Variants in FOXO3B observed in about 807,000 individuals in gnomAD.
The protein encoded by FOXO3B is forkhead box protein O3B.
In FOXO3B, 15 loss-of-function variants were observed where a neutral mutation model predicts 21.9. That is an observed-to-expected ratio of 0.68 (90% CI 0.46 to 1.05). FOXO3B has a LOEUF of 1.05. Ranked by LOEUF, FOXO3B falls within the 50% of genes least tolerant of loss-of-function variation. The pLI, the probability that FOXO3B is intolerant of heterozygous loss-of-function variation, is 0.00. For synonymous variants in FOXO3B, 135 were observed against 213.6 expected (o/e 0.63, Z 3.21); for missense variants, 293 against 435.5 (o/e 0.67, Z 2.91).
At position 18,672,678 on chromosome 17, in the gene FOXO3B, G is replaced by C; in HGVS notation, c.504C>G (p.Gly168=). ...GCCCGGAGACCAGCGTGCGGCTCCC[G>C]CCGCCGCCGCCGATCGCCATGGCCG... ...AGSAMAIGGG[G]GSRTLVSGLL... The change falls in exon 4 of 4, where the codon GGC becomes GGG. Residue 168 remains glycine (G), a synonymous_variant. Transcript: ENST00000395675. The surrounding 1 kb of genome is among the most constrained non-coding windows in gnomAD (Gnocchi z 4.2). The C allele has an allele frequency of 6.8e-7, 1 of 1,475,738 alleles. No individual in the cohort carries two copies. 91.4% of individuals were successfully genotyped at this position (1,475,738 alleles called of 1,614,324 possible).
chr17:18,672,349 T>G lies in FOXO3B; in HGVS notation c.833A>C (p.Tyr278Ser). Residue 278 changes from tyrosine to serine, a missense_variant, in exon 4 of 4, where the codon TAC becomes TCC. Tyr to Ser is a moderately radical substitution (Grantham distance 144). Coordinates refer to ENST00000395675, the MANE Select transcript of FOXO3B (RefSeq NM_001368135.1). This position sits in a 1 kb window ranked among gnomAD's most constrained non-coding sequence, Gnocchi z 4.2. ...GTTGCTGTTGCCCTTATCCTTGAAG[T>G]AGGGCACGCAACTCACCATCCACTC... ...IYEWMVSCVP[Y>S]FKDKGNSNSS... 6.2e-7 allele frequency: 1 copy of G among 1,611,480 alleles called. No individual in the cohort carries two copies. The highest frequency in any genetic ancestry group is 8.5e-7 in the Non-Finnish European group (1 of 1,178,264).
At chr17:18,675,365 A>G (rs2032464912) in intron 3 of FOXO3B, among the ~76,000 whole-genome samples, 2 of 152,124 alleles carry the variant, frequency 1.3e-5, no homozygotes, top group Admixed American at 1.3e-4. Flanking sequence ...AGAAAAGGTA[A>G]AAACCTCATA....
Position 18,672,159 on chromosome 17 carries a change from A to G in FOXO3B, c.*150T>C. The stretch of plus-strand genomic sequence containing the variant: ...CACGGCTCTTGGTATACTTGTTGCT[A>G]TTGTCCATGGAGACAGCCCGCCGCC... On this transcript the variant is annotated 3_prime_UTR_variant, in exon 4 of 4. Coordinates refer to ENST00000395675, the MANE Select transcript of FOXO3B (RefSeq NM_001368135.1). This position sits in a 1 kb window ranked among gnomAD's most constrained non-coding sequence, Gnocchi z 4.2. 4 of 1,612,598 alleles carry G rather than the reference A, an allele frequency of 2.5e-6. No homozygotes were observed. Among genetic ancestry groups the G allele is most frequent in the Non-Finnish European group, 2.5e-6 (3 of 1,179,270 alleles).
At chr17:18,677,630 C>T (rs1234152139) in intron 3 of FOXO3B, 141 of 1,608,738 alleles carry the variant, frequency 8.8e-5, no homozygotes, top group African/African-American at 1.1e-4. Flanking sequence ...CTTCCTCCAC[C>T]GACTCTGGGG....
chr17:18,671,481 C>T lies in FOXO3B; in HGVS notation c.*828G>A, dbSNP rs9635679. The T allele has an allele frequency of 0.37, 583,089 of 1,576,734 alleles. 109,546 individuals carry two copies. The highest frequency in any genetic ancestry group is 0.44 in the Middle Eastern group (2,636 of 5,972). On this transcript the variant is annotated 3_prime_UTR_variant, in exon 4 of 4. Transcript: ENST00000395675. ...GTCCGACTGTGTCATCATGACATCGCTGTGGCTAAGTGAGTCCGAAGTGAG... is the reference window on the plus strand; with the variant it reads ...GTCCGACTGTGTCATCATGACATCGTTGTGGCTAAGTGAGTCCGAAGTGAG...
At position 18,672,462 on chromosome 17, in the gene FOXO3B, G is replaced by C. The variant is rs1478716302; in HGVS notation, c.720C>G (p.Asn240Lys). Residue 240 changes from asparagine to lysine, a missense_variant, in exon 4 of 4, where the codon AAC becomes AAG. By Grantham distance (94) the Asn-to-Lys change is moderately conservative (BLOSUM62 0). This residue lies in a region of FOXO3B where 251 missense variants were observed against 404.0 expected (regional missense o/e 0.62). Transcript: ENST00000395675. The surrounding 1 kb of genome is among the most constrained non-coding windows in gnomAD (Gnocchi z 4.2). The stretch of plus-strand genomic sequence containing the variant: ...CCGCGTAGGACAGGTTTCCCCAGGC[G>C]TTCCGCCGCGACGAACATTTCCTCG... The part of the protein sequence containing the change: ...GQPRKCSSRR[N>K]AWGNLSYADL... 1 of 1,584,088 alleles carries C rather than the reference G, an allele frequency of 6.3e-7. No individual in the cohort carries two copies. Among genetic ancestry groups the C allele is most frequent in the Admixed American group, 1.8e-5 (1 of 54,592 alleles).
In FOXO3B at chr17:18,667,879, G is replaced by C. The variant is rs942289134; in HGVS notation, c.*4430C>G. On this transcript the variant is annotated 3_prime_UTR_variant, in exon 4 of 4. Transcript: ENST00000395675. ...TAGAGGCCAAGTGTGGCCTCGGATA[G>C]TTCTCATCATAAATCAAACATTACA... 10 of 152,214 alleles carry C rather than the reference G, an allele frequency of 6.6e-5. No individual in the cohort carries two copies. The highest frequency in any genetic ancestry group is 2.4e-4 in the African/African-American group (10 of 41,384). The allele number at this position is 152,214 out of a possible 1,614,324, so 9.4% of individuals were successfully genotyped here.
chr17:18,672,522 C>T lies in FOXO3B; in HGVS notation c.660G>A (p.Pro220=), dbSNP rs1424185684. The T allele has an allele frequency of 6.7e-7, 1 of 1,499,318 alleles. No homozygotes were observed. The highest frequency in any genetic ancestry group is 1.3e-5 in the South Asian group (1 of 78,306). 92.9% of individuals were successfully genotyped at this position (1,499,318 alleles called of 1,614,324 possible). ...AGCCCCCAGCCGCCCCCGGCTGCGG[C>T]GGTGGCAGCGGTTGCTGAGGCTGCA... is the stretch of plus-strand genomic sequence containing the variant. ...ALLQPQQPLP[P]PQPGAAGGSG... is the part of the protein sequence containing the mutation. Residue 220 remains proline, a synonymous_variant, in exon 4 of 4, where the codon CCG becomes CCA. Transcript: ENST00000395675. The surrounding 1 kb of genome is among the most constrained non-coding windows in gnomAD (Gnocchi z 4.2).
chr17:18,679,962 C>A (rs1331771423), intron 3 of FOXO3B, among the ~76,000 whole-genome samples: 3 of 152,052 alleles, frequency 2.0e-5, no homozygotes, highest in Non-Finnish European at 2.9e-5. Context: ...GCCTCAGCCT[C>A]CAGACTAGCT....
At chr17:18,676,281 C>G (rs1437121725) in intron 3 of FOXO3B, among the ~76,000 whole-genome samples, 1 of 152,128 alleles carries the variant, frequency 6.6e-6, no homozygotes, top group East Asian at 1.9e-4. Context: ...CCTAGTAAAG[C>G]TAAACATGTG....
Position 18,670,216 on chromosome 17 carries a change from A to G in FOXO3B, c.*2093T>C, listed in dbSNP as rs1326602302. On this transcript the variant is annotated 3_prime_UTR_variant, in exon 4 of 4. Coordinates refer to ENST00000395675, the MANE Select transcript of FOXO3B (RefSeq NM_001368135.1). ...TGTGCTCCACTCGTTTTGCCTATGC[A>G]TGGTTCAGTCCTGGACGGGTGCGCA... 1.3e-5 allele frequency among the ~76,000 whole-genome samples: 2 copies of G among 152,234 alleles called. No individual in the cohort carries two copies. Among genetic ancestry groups the G allele is most frequent in the South Asian group, 2.1e-4 (1 of 4,836 alleles).
In FOXO3B at chr17:18,671,977, G is replaced by C; in HGVS notation, c.*332C>G. ...CGACAGGCGGCCACTGACTGTGCTGGCGTTAGAATTGGTGCGTGAACGGAA... is the reference window on the plus strand; with the variant it reads ...CGACAGGCGGCCACTGACTGTGCTGCCGTTAGAATTGGTGCGTGAACGGAA... On this transcript the variant is annotated 3_prime_UTR_variant, in exon 4 of 4. Transcript: ENST00000395675. The C allele has an allele frequency of 1.2e-6, 2 of 1,613,116 alleles. No individual in the cohort carries two copies. The highest frequency in any genetic ancestry group is 1.7e-6 in the Non-Finnish European group (2 of 1,179,568).
In FOXO3B at chr17:18,670,569, A is replaced by AGAATGGCC. The variant is rs2032343622; in HGVS notation, c.*1732_*1739dup. Among the ~76,000 whole-genome samples, 1 of 152,256 alleles carries AGAATGGCC rather than the reference A, an allele frequency of 6.6e-6. No homozygotes were observed. Among genetic ancestry groups the AGAATGGCC allele is most frequent in the African/African-American group, 2.4e-5 (1 of 41,472 alleles). ...AACCATCGCAATATTAAAACACCAC[A>AGAATGGCC]GAATGGCCGAAGAGGGCTCACGGTG... is the stretch of plus-strand genomic sequence containing the variant. On this transcript the variant is annotated 3_prime_UTR_variant, in exon 4 of 4. Coordinates refer to ENST00000395675, the MANE Select transcript of FOXO3B (RefSeq NM_001368135.1).
chr17:18,678,517 T>C (rs2032531566), intron 3 of FOXO3B, among the ~76,000 whole-genome samples: 1 of 152,056 alleles, frequency 6.6e-6, no homozygotes, highest in African/African-American at 2.4e-5. Flanking sequence ...GAACTAAAAC[T>C]TTTAATATTT....
chr17:18,678,713 T>G (rs903466216), intron 3 of FOXO3B, among the ~76,000 whole-genome samples: 8 of 150,710 alleles, frequency 5.3e-5, no homozygotes, highest in African/African-American at 1.7e-4. Flanking sequence ...ATCAAAGTAT[T>G]GAAATATATA....
intron 3 of FOXO3B, among the ~76,000 whole-genome samples, chr17:18,675,714 A>G (rs914081325): frequency 1.3e-5 from 2 of 152,214 alleles, no homozygotes; most frequent in African/African-American, 2.4e-5. Context: ...AGCATTACAA[A>G]TCAGTAACAT....
chr17:18,679,442 T>A (rs942997397), intron 3 of FOXO3B, among the ~76,000 whole-genome samples: 1 of 142,656 alleles, frequency 7.0e-6, no homozygotes, highest in South Asian at 2.2e-4. Flanking sequence ...GCTCCTTTTT[T>A]CCTCCTCAAC....
At position 18,668,254 on chromosome 17, in the gene FOXO3B, C is replaced by T. The variant is rs1485313108; in HGVS notation, c.*4055G>A. ...TTACCCTGGTCTCAGCTCTCCACGA[C>T]ACTCTACATGTAGATGCTGTTTTAG... On this transcript the variant is annotated 3_prime_UTR_variant, in exon 4 of 4. Transcript: ENST00000395675. The T allele has an allele frequency of 1.3e-5, 2 of 152,206 alleles. No homozygotes were observed. The highest frequency in any genetic ancestry group is 2.4e-5 in the African/African-American group (1 of 41,434). The allele number at this position is 152,206 out of a possible 1,614,324, so 9.4% of individuals were successfully genotyped here. A position where few individuals can be genotyped will look rare whatever the true frequency, so the allele number is the denominator to read the frequency against.
At chr17:18,675,918 T>C (rs2032475823) in intron 3 of FOXO3B, among the ~76,000 whole-genome samples, 1 of 152,070 alleles carries the variant, frequency 6.6e-6, no homozygotes, top group African/African-American at 2.4e-5. Context: ...AAAAAAAAAT[T>C]TGTTATTAAA....
Sources: gnomAD v4.1 joint callset for allele counts (sites outside exome capture counted in the v4.1 genomes callset) on GRCh38, gnomAD v4.1.1 for gene constraint, gnomAD v4.1.1 regional missense constraint, Gnocchi (gnomAD v3.1) non-coding constraint, MANE v1.5 for transcripts, NCBI Gene and HGNC (gene_info 2026-07-23, HGNC 2026-07-21) for gene names.